Variants in ATOH8 observed in about 807,000 individuals in gnomAD.
The protein encoded by ATOH8 is transcription factor ATOH8.
A neutral mutation model predicts 21.2 loss-of-function variants in ATOH8; 9 were observed. The ratio of observed to expected loss-of-function variants is 0.42; its 90% CI spans 0.26 to 0.74. ATOH8 has a LOEUF of 0.74. Ranked by LOEUF, ATOH8 falls within the 30% of genes least tolerant of loss-of-function variation. The probability of loss-of-function intolerance (pLI) is 0.24; values close to 1 mark genes in which losing one functional copy is unlikely to be tolerated. For synonymous variants in ATOH8, 253 were observed against 224.0 expected, an observed-to-expected ratio of 1.13 and a Z score of -1.16; for missense variants, 524 against 470.9, an observed-to-expected ratio of 1.11 and a Z score of -1.04.
In ATOH8 at chr2:85,754,679, G is replaced by C. The variant is rs754075023; in HGVS notation, c.490G>C (p.Ala164Pro). 6.4e-7 allele frequency: 1 copy of C among 1,571,352 alleles called. No individual in the cohort carries two copies. The highest frequency in any genetic ancestry group is 8.6e-7 in the Non-Finnish European group (1 of 1,160,576). ...ILLCAPPARP[A>P]PSAPPAPPAP... is the part of the protein sequence containing the mutation. ...GCTGTGCGCACCGCCCGCGCGCCCC[G>C]CGCCGTCAGCACCCCCAGCACCGCC... Residue 164 changes from alanine (A) to proline (P), a missense_variant, in exon 1 of 3, where the codon GCG (alanine) becomes CCG (proline). By Grantham distance (27) the Ala-to-Pro change is conservative. Transcript: ENST00000306279.
chr2:85,763,966 C>G, intron 1 of ATOH8, 25 bp from the exon 2 acceptor site: 1 of 1,608,190 alleles, frequency 6.2e-7, no homozygotes, highest in Non-Finnish European at 8.5e-7. Flanking sequence ...CCCCTGCAGC[C>G]CCTCCTGACG....
intron 2 of ATOH8, among the ~76,000 whole-genome samples, chr2:85,782,079 A>G (rs995742518): frequency 6.6e-6 from 1 of 152,098 alleles, no homozygotes; most frequent in Non-Finnish European, 1.5e-5. Flanking sequence ...TGAAAGGCAA[A>G]CTAATACTGT....
At chr2:85,783,396 G>C (rs779658997) in intron 2 of ATOH8, among the ~76,000 whole-genome samples, 2 of 152,032 alleles carry the variant, frequency 1.3e-5, no homozygotes, top group African/African-American at 4.8e-5. Flanking sequence ...GTGAAACCCC[G>C]TCTCTACTAA....
At chr2:85,769,628 G>A (rs888019378) in intron 2 of ATOH8, among the ~76,000 whole-genome samples, 1 of 152,242 alleles carries the variant, frequency 6.6e-6, no homozygotes, top group Non-Finnish European at 1.5e-5. Flanking sequence ...TAGCTTCGGT[G>A]CCAGGGACAA....
At chr2:85,770,688 GA>G (rs907472538) in intron 2 of ATOH8, among the ~76,000 whole-genome samples, 4 of 152,204 alleles carry the variant, frequency 2.6e-5, no homozygotes, top group African/African-American at 9.7e-5. Flanking sequence ...GGCTTTCCCT[GA>G]ACGTGGACCG....
At chr2:85,778,431 G>A (rs74674287) in intron 2 of ATOH8, among the ~76,000 whole-genome samples, 11,748 of 152,234 alleles carry the variant, frequency 0.077, 513 homozygotes, top group South Asian at 0.23. Context: ...GACAATGGAA[G>A]AGGCTAGGGG....
intron 1 of ATOH8, among the ~76,000 whole-genome samples, chr2:85,757,951 A>G (rs1381784803): frequency 6.6e-6 from 1 of 151,940 alleles, no homozygotes; most frequent in East Asian, 1.9e-4. Flanking sequence ...ACACCTGGGT[A>G]ATTTTTTGTA....
chr2:85,754,064 C>CGAGGGGGA lies in ATOH8; in HGVS notation c.-123_-116dup, dbSNP rs1679581546. 1.8e-6 allele frequency: 2 copies of CGAGGGGGA among 1,125,766 alleles called. No individual in the cohort carries two copies. Among genetic ancestry groups the CGAGGGGGA allele is most frequent in the Non-Finnish European group, 1.1e-6 (1 of 878,896 alleles). 69.7% of individuals were successfully genotyped at this position (1,125,766 alleles called of 1,614,324 possible). ...AAGCCGGCGGCGCAGCTGCCCGGGG[C>CGAGGGGGA]GAGGGGGAGAAAGGGAGAGAGGGAG... On this transcript the variant is annotated 5_prime_UTR_variant, in exon 1 of 3. Coordinates refer to ENST00000306279, the MANE Select transcript of ATOH8 (RefSeq NM_032827.7).
At chr2:85,763,131 C>A (rs1679912415) in intron 1 of ATOH8, among the ~76,000 whole-genome samples, 1 of 152,134 alleles carries the variant, frequency 6.6e-6, no homozygotes, top group African/African-American at 2.4e-5. Context: ...GGTCTATTAG[C>A]ACCTATCAGG....
chr2:85,781,782 T>C (rs1005171128), intron 2 of ATOH8, among the ~76,000 whole-genome samples: 1 of 151,896 alleles, frequency 6.6e-6, no homozygotes, highest in Non-Finnish European at 1.5e-5. Flanking sequence ...GGAGGCTGAT[T>C]GGGGAGAATC....
At chr2:85,759,427 G>A (rs746899468) in intron 1 of ATOH8, among the ~76,000 whole-genome samples, 28 of 152,098 alleles carry the variant, frequency 1.8e-4, no homozygotes, top group Admixed American at 6.5e-4. Flanking sequence ...TGGGATGTCC[G>A]TAGTGCTGTC....
At chr2:85,782,191 T>TA (rs1328228904) in intron 2 of ATOH8, among the ~76,000 whole-genome samples, 2 of 151,362 alleles carry the variant, frequency 1.3e-5, no homozygotes, top group Admixed American at 1.3e-4. Context: ...AAGACCAATT[T>TA]AAAAAAAAAG....
chr2:85,755,939 G>T (rs1679680942), intron 1 of ATOH8, among the ~76,000 whole-genome samples: 2 of 151,654 alleles, frequency 1.3e-5, no homozygotes, highest in African/African-American at 2.4e-5. Flanking sequence ...CAGCTGACTT[G>T]CTGTGTGACT....
chr2:85,780,954 C>T (rs1442417019), intron 2 of ATOH8: 1 of 987,524 alleles, frequency 1.0e-6, no homozygotes, highest in Non-Finnish European at 1.2e-6. Flanking sequence ...CTGGTCCATA[C>T]TTGCTTCCAG....
chr2:85,759,145 C>A (rs1238656314), intron 1 of ATOH8, among the ~76,000 whole-genome samples: 1 of 152,208 alleles, frequency 6.6e-6, no homozygotes, highest in Non-Finnish European at 1.5e-5. Context: ...ACCGAGTGAA[C>A]TCAGGGTGGC....
At chr2:85,759,507 GAT>G (rs1269923507) in intron 1 of ATOH8, among the ~76,000 whole-genome samples, 1 of 152,146 alleles carries the variant, frequency 6.6e-6, no homozygotes, top group Non-Finnish European at 1.5e-5. Flanking sequence ...GAGTGACCAG[GAT>G]CTGTACTGTG....
At chr2:85,772,182 G>A (rs1680201022) in intron 2 of ATOH8, among the ~76,000 whole-genome samples, 1 of 152,234 alleles carries the variant, frequency 6.6e-6, no homozygotes, top group African/African-American at 2.4e-5. Flanking sequence ...TGGTAGCGAG[G>A]GGTGGGTTGG....
intron 2 of ATOH8, 80 bp from the exon 3 acceptor site, chr2:85,786,805 G>A: frequency 6.2e-7 from 1 of 1,604,232 alleles, no homozygotes; most frequent in Non-Finnish European, 8.5e-7. Context: ...AGGACTCAGT[G>A]AAGGGACATT....
chr2:85,774,034 T>G, intron 2 of ATOH8: 1 of 937,992 alleles, frequency 1.1e-6, no homozygotes, highest in Non-Finnish European at 1.3e-6. Context: ...AGGACCCTGA[T>G]TAGTTATCAT....
Sources: allele counts gnomAD v4.1 joint callset (sites outside exome capture counted in the v4.1 genomes callset), GRCh38; gene constraint gnomAD v4.1.1; transcripts MANE v1.5; gene names NCBI Gene and HGNC (gene_info 2026-07-23, HGNC 2026-07-21).